Variants in TENM1 observed in about 807,000 individuals in gnomAD.
The protein encoded by TENM1 is teneurin transmembrane protein 1.
In TENM1, 35 loss-of-function variants were observed where a neutral mutation model predicts 174.8. The ratio of observed to expected loss-of-function variants is 0.20; its 90% CI spans 0.15 to 0.27. The LOEUF is 0.27. TENM1 is among the 10% of genes least tolerant of loss of function. The pLI is 1.00. For synonymous variants in TENM1, 781 were observed against 798.7 expected, an observed-to-expected ratio of 0.98 and a Z score of 0.37; for missense variants, 1,633 against 2,130.1, an observed-to-expected ratio of 0.77 and a Z score of 4.59.
chrX:125,023,473 T>C, the TENM1 span, among the ~76,000 whole-genome samples: 3 of 111,308 alleles, frequency 2.7e-5, no homozygotes, highest in African/African-American at 6.5e-5. Flanking sequence ...CAAGATCTTA[T>C]GGCTCTGCGT....
intron 3 of TENM1, among the ~76,000 whole-genome samples, chrX:124,868,688 G>C (rs2057052763): frequency 9.0e-6 from 1 of 111,084 alleles, no homozygotes; most frequent in Non-Finnish European, 1.9e-5. Flanking sequence ...ACAAAGTGAA[G>C]AGACAACCCA....
At chrX:124,865,809 G>A (rs1296892294) in intron 3 of TENM1, among the ~76,000 whole-genome samples, 2 of 111,197 alleles carry the variant, frequency 1.8e-5, no homozygotes, top group Non-Finnish European at 3.8e-5. Context: ...TAAAGGAATG[G>A]AAAAAGATAT....
At chrX:124,618,289 C>T (rs1199778624) in intron 11 of TENM1, among the ~76,000 whole-genome samples, 1 of 111,787 alleles carries the variant, frequency 8.9e-6, no homozygotes, top group Non-Finnish European at 1.9e-5. Flanking sequence ...AGACTTTCTA[C>T]TTTTCCATGA....
At chrX:124,979,373 C>T in the TENM1 span, among the ~76,000 whole-genome samples, 1 of 111,505 alleles carries the variant, frequency 9.0e-6, no homozygotes, top group Admixed American at 9.6e-5. Context: ...AGAAGTTCTG[C>T]CCAAATAACT....
rs145680096 is a variant in TENM1, at chrX:124,481,313, G to A, written c.3949+419C>T. On this transcript the variant is annotated intron_variant, in intron 22 of 31. Coordinates refer to ENST00000422452, the Ensembl canonical transcript of TENM1. ...GTAGAAGGTAGGCACAGACCTTATC[G>A]CAAGCAATGCAGGCTGAAGAGCCAA... is the stretch of plus-strand genomic sequence containing the variant. 2.0e-3 allele frequency among the ~76,000 whole-genome samples: 224 copies of A among 110,871 alleles called. 1 individual carries two copies. In the Middle Eastern group the frequency reaches 0.037, roughly 18 times the overall value.
chrX:124,822,379 C>T (rs2056058551), intron 3 of TENM1, among the ~76,000 whole-genome samples: 1 of 112,015 alleles, frequency 8.9e-6, no homozygotes, highest in African/African-American at 3.2e-5. Context: ...AAGCTTTTTA[C>T]TCTAACAAAT....
At chrX:124,746,531 T>A (rs1455062198) in intron 3 of TENM1, among the ~76,000 whole-genome samples, 1 of 111,724 alleles carries the variant, frequency 9.0e-6, no homozygotes, top group Admixed American at 9.6e-5. Flanking sequence ...AAAGTCTGAT[T>A]CATTCTCTCA....
At chrX:124,854,197 A>G (rs985142033) in intron 3 of TENM1, among the ~76,000 whole-genome samples, 1 of 111,351 alleles carries the variant, frequency 9.0e-6, no homozygotes, top group African/African-American at 3.3e-5. Flanking sequence ...AAATAATGGT[A>G]TTTGCAACAA....
chrX:124,536,619 C>T (rs937675275), intron 15 of TENM1, among the ~76,000 whole-genome samples: 3 of 110,934 alleles, frequency 2.7e-5, no homozygotes, highest in African/African-American at 9.8e-5. Flanking sequence ...GTCTGAGATC[C>T]CCAAAGTAAT....
chrX:124,689,056 G>A (rs1255425016), intron 5 of TENM1, among the ~76,000 whole-genome samples: 1 of 111,487 alleles, frequency 9.0e-6, no homozygotes, highest in Non-Finnish European at 1.9e-5. Context: ...CAATAAATAT[G>A]GAAGGAAAAT....
chrX:124,740,052 C>T (rs755240547), intron 3 of TENM1, among the ~76,000 whole-genome samples: 1 of 111,723 alleles, frequency 9.0e-6, no homozygotes, highest in South Asian at 3.8e-4. Flanking sequence ...TAAAATGATG[C>T]CCCTTCATGA....
chrX:125,164,941 A>G, the TENM1 span, among the ~76,000 whole-genome samples: 41 of 111,490 alleles, frequency 3.7e-4, no homozygotes, highest in East Asian at 0.01. Flanking sequence ...TTCAACTTCT[A>G]CCAAAAAGGT....
intron 18 of TENM1, among the ~76,000 whole-genome samples, chrX:124,517,487 AAAGGATGAGTTCATGTCCTTTGT>A (rs1233616805): frequency 4.6e-5 from 5 of 109,482 alleles, no homozygotes; most frequent in Non-Finnish European, 9.5e-5. Flanking sequence ...CAGCCATAAA[AAAGGATGAGTTCATGTCCTTTGT>A]AGGGACACGG....
chrX:124,761,493 C>T (rs1484393977), intron 3 of TENM1, among the ~76,000 whole-genome samples: 1 of 89,498 alleles, frequency 1.1e-5, no homozygotes, highest in African/African-American at 4.5e-5. Context: ...AATTGAACGA[C>T]GAGAACAATT....
chrX:125,191,838 C>T, the TENM1 span, among the ~76,000 whole-genome samples: 1 of 111,544 alleles, frequency 9.0e-6, no homozygotes, highest in Admixed American at 9.5e-5. Flanking sequence ...CCAATGCAAC[C>T]GTATTAAGAG....
the TENM1 span, among the ~76,000 whole-genome samples, chrX:125,118,234 G>T: frequency 9.0e-6 from 1 of 110,987 alleles, no homozygotes; most frequent in Non-Finnish European, 1.9e-5. Flanking sequence ...GGGAGAGTGA[G>T]CGGGGAGTGA....
the TENM1 span, among the ~76,000 whole-genome samples, chrX:125,143,434 C>T: frequency 9.0e-6 from 1 of 111,670 alleles, no homozygotes; most frequent in Non-Finnish European, 1.9e-5. Flanking sequence ...TTGAGTAAAG[C>T]TGATCTTGTT....
chrX:124,677,606 A>G (rs1046119409), intron 5 of TENM1, among the ~76,000 whole-genome samples: 1 of 111,947 alleles, frequency 8.9e-6, no homozygotes, highest in African/African-American at 3.2e-5. Flanking sequence ...CATTGTTAAT[A>G]TATTGACTTT....
At chrX:125,124,828 G>A in the TENM1 span, among the ~76,000 whole-genome samples, 6 of 112,176 alleles carry the variant, frequency 5.3e-5, no homozygotes, top group Admixed American at 9.5e-5. Context: ...AATTACAGAC[G>A]TTTTGGAGTG....
Sources: allele counts gnomAD v4.1 joint callset (sites outside exome capture counted in the v4.1 genomes callset), GRCh38; gene constraint gnomAD v4.1.1; transcripts MANE v1.5; gene names NCBI Gene and HGNC (gene_info 2026-07-23, HGNC 2026-07-21).